PHLPP2: variants seen among roughly 807,000 people sequenced by gnomAD.
PHLPP2 encodes PH domain and leucine rich repeat protein phosphatase 2.
Under a neutral mutation model 124.9 loss-of-function variants are expected in PHLPP2, and 66 were observed. The observed-to-expected ratio is 0.53, with a 90% CI of 0.43 to 0.65. The LOEUF (loss-of-function observed/expected upper bound fraction) is 0.65, where lower values mean the gene tolerates loss of function less well. Ranked by LOEUF, PHLPP2 falls within the 30% of genes least tolerant of loss-of-function variation. The probability of loss-of-function intolerance (pLI) is 0.00; values close to 1 mark genes in which losing one functional copy is unlikely to be tolerated. For missense variants in PHLPP2, 1,685 were observed against 1,600.4 expected (o/e 1.05, Z -0.90); for synonymous variants, 681 against 624.7 (o/e 1.09, Z -1.34).
chr16:71,684,209 T>C (rs943172240), intron 5 of PHLPP2, among the ~76,000 whole-genome samples: 1 of 143,832 alleles, frequency 7.0e-6, no homozygotes, highest in African/African-American at 2.6e-5. Context: ...CACTGCAACC[T>C]CTACCTCCCG....
chr16:71,663,306 T>C (rs1160357771), intron 13 of PHLPP2, among the ~76,000 whole-genome samples: 1 of 152,082 alleles, frequency 6.6e-6, no homozygotes, highest in Non-Finnish European at 1.5e-5. Context: ...AGAGATGGGG[T>C]TTCACCATAT....
At chr16:71,662,833 G>A (rs572845085) in intron 13 of PHLPP2, among the ~76,000 whole-genome samples, 1 of 151,780 alleles carries the variant, frequency 6.6e-6, no homozygotes, top group East Asian at 1.9e-4. Flanking sequence ...GACCAGCCTG[G>A]CCAACGTAAT....
At position 71,647,276 on chromosome 16, in the gene PHLPP2, A is replaced by T. The variant is rs1292214369; in HGVS notation, c.*1614T>A. On this transcript the variant is annotated 3_prime_UTR_variant, in exon 19 of 19. Transcript: ENST00000568954. ...GAAAAAGTGACAGAAGTATGAAGAA[A>T]CTGCATTTTGCTAGGGTTATGTGGA... is the stretch of plus-strand genomic sequence containing the variant. The T allele has an allele frequency of 1.3e-5, 2 of 152,634 alleles. No homozygotes were observed. Among genetic ancestry groups the T allele is most frequent in the African/African-American group, 4.8e-5 (2 of 41,456 alleles). 9.5% of individuals were successfully genotyped at this position (152,634 alleles called of 1,614,324 possible).
At position 71,660,372 on chromosome 16, in the gene PHLPP2, CAAAAAAAAAAA is replaced by C. The variant is rs1158155665; in HGVS notation, c.1986-1568_1986-1558del. Among the ~76,000 whole-genome samples the C allele has an allele frequency of 2.6e-4, 7 of 26,990 alleles. No homozygotes were observed. In the East Asian group the frequency reaches 5.4e-3, roughly 21 times the overall value. 17.7% of individuals were successfully genotyped at this position (26,990 alleles called of 152,430 possible). On this transcript the variant is annotated intron_variant, in intron 13 of 18. Transcript: ENST00000568954. The stretch of plus-strand genomic sequence containing the variant: ...GCCTGGGTGACACAAGACCTTGTCT[CAAAAAAAAAAA>C]AAAAAAAAAAAAAAAGGTACTATAT...
chr16:71,683,885 G>T (rs918180424), intron 5 of PHLPP2, among the ~76,000 whole-genome samples: 2 of 152,008 alleles, frequency 1.3e-5, no homozygotes, highest in Admixed American at 6.6e-5. Context: ...CCGCCTCCTG[G>T]GTTCAAGCGA....
chr16:71,675,028 G>T (rs1365477300), intron 9 of PHLPP2, among the ~76,000 whole-genome samples: 1 of 152,168 alleles, frequency 6.6e-6, no homozygotes, highest in Non-Finnish European at 1.5e-5. Flanking sequence ...CACAAAAAGT[G>T]ATAAACAATC....
chr16:71,713,945 C>CT (rs35131351), intron 2 of PHLPP2, among the ~76,000 whole-genome samples: 2,154 of 140,294 alleles, frequency 0.015, 66 homozygotes, highest in African/African-American at 0.049. Flanking sequence ...AACAACTTTT[C>CT]TTTTTTTTTT....
intron 4 of PHLPP2, among the ~76,000 whole-genome samples, chr16:71,685,124 G>A (rs562422644): frequency 6.8e-4 from 104 of 152,236 alleles, no homozygotes; most frequent in Non-Finnish European, 1.2e-3. Flanking sequence ...TCAGGAGTTC[G>A]AGACGAGCCT....
chr16:71,707,624 C>T (rs1281887210), intron 2 of PHLPP2, among the ~76,000 whole-genome samples: 2 of 152,180 alleles, frequency 1.3e-5, no homozygotes, highest in Non-Finnish European at 2.9e-5. Context: ...AGTGGAGTTT[C>T]CCAGCTGATG....
chr16:71,693,480 C>T (rs1444138346), intron 3 of PHLPP2, among the ~76,000 whole-genome samples: 1 of 152,180 alleles, frequency 6.6e-6, no homozygotes, highest in Non-Finnish European at 1.5e-5. Context: ...ATTACTCCTT[C>T]AAAAAGTCTC....
chr16:71,688,859 T>C (rs1306719148), intron 4 of PHLPP2, among the ~76,000 whole-genome samples: 1 of 152,174 alleles, frequency 6.6e-6, no homozygotes, highest in Admixed American at 6.5e-5. Context: ...CAAACACTCA[T>C]TCATTAAACT....
rs2044682505 is a variant in PHLPP2 at position 71,649,758 on chromosome 16, A to G, written c.3104T>C (p.Ile1035Thr). 2 of 1,614,228 alleles carry G rather than the reference A, an allele frequency of 1.2e-6. No homozygotes were observed. Among genetic ancestry groups the G allele is most frequent in the African/African-American group, 1.3e-5 (1 of 75,056 alleles). The part of the protein sequence containing the change: ...NVGAMVVYLN[I>T]GEEGCTCEMN... ...TTCACAAGTGCAGCCTTCCTCACCA[A>G]TATTCAAATAAACTACCATCGCCCC... Residue 1035 changes from isoleucine (I) to threonine (T), a missense_variant, in exon 19 of 19, where the codon ATT becomes ACT. Coordinates refer to ENST00000568954, the MANE Select transcript of PHLPP2 (RefSeq NM_015020.3).
intron 9 of PHLPP2, among the ~76,000 whole-genome samples, chr16:71,675,075 G>A (rs928311804): frequency 1.3e-5 from 2 of 152,126 alleles, no homozygotes; most frequent in African/African-American, 4.8e-5. Flanking sequence ...GGGTGTCTTT[G>A]GGATATATCC....
At chr16:71,720,877 A>G (rs1346867017) in intron 1 of PHLPP2, among the ~76,000 whole-genome samples, 2 of 80,072 alleles carry the variant, frequency 2.5e-5, no homozygotes, top group Non-Finnish European at 3.3e-5. Flanking sequence ...CAAAAGACGA[A>G]AAAAAAAAAA....
At chr16:71,713,104 T>C (rs1257129917) in intron 2 of PHLPP2, among the ~76,000 whole-genome samples, 2 of 152,150 alleles carry the variant, frequency 1.3e-5, no homozygotes, top group Non-Finnish European at 2.9e-5. Flanking sequence ...TTTAAACCCA[T>C]GAAAATATGC....
chr16:71,655,862 A>T (rs540539134), intron 16 of PHLPP2, among the ~76,000 whole-genome samples: 3 of 152,330 alleles, frequency 2.0e-5, no homozygotes, highest in Admixed American at 2.0e-4. Context: ...ATCTACACGT[A>T]AGAAAAGTCC....
intron 5 of PHLPP2, among the ~76,000 whole-genome samples, chr16:71,682,977 C>T (rs2045017339): frequency 6.6e-6 from 1 of 152,126 alleles, no homozygotes; most frequent in Non-Finnish European, 1.5e-5. Context: ...TCGAGACCAG[C>T]CTGGCCAACA....
intron 3 of PHLPP2, among the ~76,000 whole-genome samples, chr16:71,693,731 C>G (rs1393404733): frequency 2.6e-5 from 4 of 152,174 alleles, no homozygotes; most frequent in African/African-American, 7.2e-5. Context: ...CCCACGGCTG[C>G]CTTCTTTTTC....
intron 17 of PHLPP2, among the ~76,000 whole-genome samples, chr16:71,654,867 TC>T (rs2145307457): frequency 6.6e-6 from 1 of 152,342 alleles, no homozygotes; most frequent in East Asian, 1.9e-4. Flanking sequence ...ACGTTATCAA[TC>T]TGATAAGTAT....
Sources: gnomAD v4.1 joint callset for allele counts (sites outside exome capture counted in the v4.1 genomes callset) on GRCh38, gnomAD v4.1.1 for gene constraint, MANE v1.5 for transcripts, NCBI Gene and HGNC (gene_info 2026-07-23, HGNC 2026-07-21) for gene names.